FAR1: variants seen among roughly 807,000 people sequenced by gnomAD.
The protein encoded by FAR1 is male sterility domain-containing protein 2.
FAR1 carries 22 observed loss-of-function variants against 61.1 expected under a neutral mutation model. The observed-to-expected ratio is 0.36, with a 90% CI of 0.26 to 0.51. FAR1 has a LOEUF of 0.51. Among genes scored for constraint, FAR1 ranks in the 20% least tolerant of loss-of-function variants. The probability of loss-of-function intolerance (pLI) is 0.95; values close to 1 mark genes in which losing one functional copy is unlikely to be tolerated. For missense variants in FAR1, 359 were observed against 626.9 expected, an observed-to-expected ratio of 0.57 and a Z score of 4.56; for synonymous variants, 206 against 209.7, an observed-to-expected ratio of 0.98 and a Z score of 0.15.
At position 13,729,432 on chromosome 11, in the gene FAR1, C is replaced by A. The variant is rs1358473272; in HGVS notation, c.*658C>A. The A allele has an allele frequency of 6.6e-6, 1 of 151,794 alleles. No homozygotes were observed. The highest frequency in any genetic ancestry group is 6.6e-5 in the Admixed American group (1 of 15,210). 9.4% of individuals were successfully genotyped at this position (151,794 alleles called of 1,614,324 possible). On this transcript the variant is annotated 3_prime_UTR_variant, in exon 12 of 12. Transcript: ENST00000354817. ...GCTATATTATTCTAATGACCCTATT[C>A]GATCTAAATGGGTTTGAGAATCCAT...
Position 13,709,134 on chromosome 11 carries a change from T to C in FAR1, c.545+1055T>C, listed in dbSNP as rs186494415. Among the ~76,000 whole-genome samples, 833 of 152,332 alleles carry C rather than the reference T, an allele frequency of 5.5e-3. 5 individuals carry two copies. The highest frequency in any genetic ancestry group is 0.024 in the Middle Eastern group (7 of 294). On this transcript the variant is annotated intron_variant, in intron 4 of 11. Transcript: ENST00000354817. ...TTATTCTTCCCTCTTTTAGTCTTCT[T>C]TCTTTCCAGAGATTCTATCCACTTT...
chr11:13,710,324 T>A (rs1848483711), intron 4 of FAR1, among the ~76,000 whole-genome samples: 1 of 152,052 alleles, frequency 6.6e-6, no homozygotes, highest in Non-Finnish European at 1.5e-5. Context: ...TACTGTGTAA[T>A]AAGAAAAAAC....
At position 13,728,822 on chromosome 11, in the gene FAR1, T is replaced by C. The variant is rs1302951849; in HGVS notation, c.*48T>C. ...ACATCTATACATATGGTGATCTAAA[T>C]GTACAAAATGTAAAATGTATAAGTC... On this transcript the variant is annotated 3_prime_UTR_variant, in exon 12 of 12. Transcript: ENST00000354817. 2.6e-6 allele frequency: 4 copies of C among 1,516,766 alleles called. No homozygotes were observed. In the African/African-American group the frequency reaches 5.5e-5, roughly 21 times the overall value. The allele number at this position is 1,516,766 out of a possible 1,614,324, so 94.0% of individuals were successfully genotyped here. A position where few individuals can be genotyped will look rare whatever the true frequency, so the allele number is the denominator to read the frequency against.
At position 13,694,983 on chromosome 11, in the gene FAR1, A is replaced by G. The variant is rs7130943; in HGVS notation, c.189+29A>G. The G allele has an allele frequency of 0.55, 858,213 of 1,548,326 alleles. 241,199 individuals are homozygous for G. Among genetic ancestry groups the G allele is most frequent in the Non-Finnish European group, 0.57 (652,959 of 1,143,766 alleles). ...AGTATGGAAAATGAGCACTCAGAAC[A>G]AAGAAAAAAGCGTGTGCTTGTGTAT... On this transcript the variant is annotated intron_variant, in intron 2 of 11. Transcript: ENST00000354817.
chr11:13,696,447 T>G (rs2134181200), intron 2 of FAR1, among the ~76,000 whole-genome samples: 1 of 152,276 alleles, frequency 6.6e-6, no homozygotes, highest in South Asian at 2.1e-4. Context: ...ATTGAGGGTC[T>G]GAGTAAAACA....
chr11:13,675,234 G>T (rs1848053863), intron 1 of FAR1, among the ~76,000 whole-genome samples: 2 of 152,108 alleles, frequency 1.3e-5, no homozygotes, highest in Non-Finnish European at 1.5e-5. Context: ...TAATATAATT[G>T]AAGAGACTGT....
rs903569831 is a variant in FAR1, at chr11:13,682,158, A to G, written c.-7-12601A>G. Among the ~76,000 whole-genome samples the G allele has an allele frequency of 2.0e-5, 3 of 152,250 alleles. No individual in the cohort carries two copies. The East Asian group carries it at 5.8e-4, about 29-fold the overall frequency. On this transcript the variant is annotated intron_variant, in intron 1 of 11. Transcript: ENST00000354817. ...CATATCTGTATTTCTGAAGCCTGGC[A>G]TTAATGTGTTGTTTTGTTCATGAAG...
At chr11:13,723,834 ATTGTT>A (rs1311110983) in intron 10 of FAR1, among the ~76,000 whole-genome samples, 1 of 152,136 alleles carries the variant, frequency 6.6e-6, no homozygotes, top group African/African-American at 2.4e-5. Context: ...TTAGAGTTTT[ATTGTT>A]TTATTTTCAG....
intron 10 of FAR1, chr11:13,723,383 A>AACC: frequency 2.1e-5 from 8 of 388,612 alleles, no homozygotes; most frequent in South Asian, 1.5e-4. Flanking sequence ...AAAAAAAAAA[A>AACC]CCCCAAAAAA....
intron 2 of FAR1, among the ~76,000 whole-genome samples, chr11:13,695,306 A>G (rs1848296666): frequency 6.6e-6 from 1 of 152,198 alleles, no homozygotes; most frequent in Non-Finnish European, 1.5e-5. Context: ...ACTACCTACT[A>G]TTCTGTAAGA....
intron 1 of FAR1, among the ~76,000 whole-genome samples, chr11:13,682,542 C>T (rs1848139634): frequency 6.6e-6 from 1 of 152,168 alleles, no homozygotes; most frequent in Non-Finnish European, 1.5e-5. Context: ...TTACTTGGCC[C>T]TTTACAGAAA....
chr11:13,728,054 C>A (rs926482806), intron 11 of FAR1, among the ~76,000 whole-genome samples: 1 of 151,864 alleles, frequency 6.6e-6, no homozygotes, highest in Non-Finnish European at 1.5e-5. Flanking sequence ...ATTTTTCTTA[C>A]ATTGCCGTCC....
At chr11:13,725,327 A>T (rs1373467010) in intron 10 of FAR1, among the ~76,000 whole-genome samples, 1 of 152,148 alleles carries the variant, frequency 6.6e-6, no homozygotes, top group Non-Finnish European at 1.5e-5. Context: ...ATCCTCCATA[A>T]CACTTGGCCT....
chr11:13,697,062 C>T (rs1368233895), intron 2 of FAR1, among the ~76,000 whole-genome samples: 1 of 152,150 alleles, frequency 6.6e-6, no homozygotes, highest in African/African-American at 2.4e-5. Flanking sequence ...TTAGACATCA[C>T]CAAATGTCTG....
chr11:13,713,209 T>G, intron 8 of FAR1, 176 bp downstream of exon 8: 1 of 611,122 alleles, frequency 1.6e-6, no homozygotes, highest in Non-Finnish European at 2.9e-6. Context: ...TTAATAATGT[T>G]TCACAAATTT....
At chr11:13,722,734 C>T (rs1156625140) in intron 10 of FAR1, among the ~76,000 whole-genome samples, 2 of 152,044 alleles carry the variant, frequency 1.3e-5, no homozygotes, top group South Asian at 2.1e-4. Context: ...ACCTCAGCCT[C>T]CCCAAGTGCT....
chr11:13,721,406 C>CT lies in FAR1; in HGVS notation c.1128-322dup, dbSNP rs1848607963. The CT allele has an allele frequency of 5.7e-6, 1 of 174,656 alleles. No individual in the cohort carries two copies. Among genetic ancestry groups the CT allele is most frequent in the Admixed American group, 6.3e-5 (1 of 15,778 alleles). The allele number at this position is 174,656 out of a possible 1,614,324, so 10.8% of individuals were successfully genotyped here. A position where few individuals can be genotyped will look rare whatever the true frequency, so the allele number is the denominator to read the frequency against. On this transcript the variant is annotated intron_variant, in intron 9 of 11. Transcript: ENST00000354817. This position sits in a 1 kb window ranked among gnomAD's most constrained non-coding sequence, Gnocchi z 4.2. ...AATATTAATTGAATCCATTCATTTG[C>CT]TTAGTATTTTATGTAGAAAATTTAA...
chr11:13,694,258 A>G (rs139330236), intron 1 of FAR1, among the ~76,000 whole-genome samples: 2 of 152,320 alleles, frequency 1.3e-5, no homozygotes, highest in African/African-American at 4.8e-5. Context: ...GACACGTAGT[A>G]GAAAGGGCTC....
At chr11:13,698,413 C>T (rs1231128022) in intron 2 of FAR1, among the ~76,000 whole-genome samples, 1 of 152,066 alleles carries the variant, frequency 6.6e-6, no homozygotes, top group Non-Finnish European at 1.5e-5. Flanking sequence ...ATCTCATTGC[C>T]GTTATTTTGA....
Sources: allele counts gnomAD v4.1 joint callset (sites outside exome capture counted in the v4.1 genomes callset), GRCh38; gene constraint gnomAD v4.1.1; non-coding constraint Gnocchi (gnomAD v3.1); transcripts MANE v1.5; gene names NCBI Gene and HGNC (gene_info 2026-07-23, HGNC 2026-07-21).